The following RAB3GAP2 variants were observed in gnomAD, a reference collection of about 807,000 sequenced individuals.
RAB3GAP2 encodes the protein RAB3 GTPase activating non-catalytic protein subunit 2, also known as rab3 GTPase-activating protein non-catalytic subunit.
RAB3GAP2 carries 87 observed loss-of-function variants against 185.3 expected under a neutral mutation model. The observed-to-expected ratio is 0.47, with a 90% CI of 0.39 to 0.56. The LOEUF (loss-of-function observed/expected upper bound fraction) is 0.56, where lower values mean the gene tolerates loss of function less well. Ranked by LOEUF, RAB3GAP2 falls within the 20% of genes least tolerant of loss-of-function variation. The pLI, the probability that RAB3GAP2 is intolerant of heterozygous loss-of-function variation, is 0.00. For synonymous variants in RAB3GAP2, 554 were observed against 576.1 expected, an observed-to-expected ratio of 0.96 and a Z score of 0.55; for missense variants, 1,492 against 1,638.2, an observed-to-expected ratio of 0.91 and a Z score of 1.54.
At chr1:220,214,080 G>A (rs1320015865) in intron 2 of RAB3GAP2, 101 bp from the exon 3 acceptor site, 1 of 1,188,332 alleles carries the variant, frequency 8.4e-7, no homozygotes, top group Non-Finnish European at 1.2e-6. Context: ...AAAAAGAAAA[G>A]GAAATATTTC....
At chr1:220,177,541 C>T (rs1294375184) in intron 21 of RAB3GAP2, among the ~76,000 whole-genome samples, 1 of 151,872 alleles carries the variant, frequency 6.6e-6, no homozygotes, top group Non-Finnish European at 1.5e-5. Context: ...AATGGAAGCT[C>T]AACAAACTTT....
At chr1:220,205,124 T>C (rs888156140) in intron 8 of RAB3GAP2, among the ~76,000 whole-genome samples, 2 of 152,126 alleles carry the variant, frequency 1.3e-5, no homozygotes, top group African/African-American at 4.8e-5. Flanking sequence ...CTGGCAACAG[T>C]TTTTCTTCTT....
In RAB3GAP2 at chr1:220,154,227, CTT is replaced by C. The variant is rs551813094; in HGVS notation, c.3556-172_3556-171del. On this transcript the variant is annotated intron_variant, in intron 31 of 34. Transcript: ENST00000358951. Reference sequence around the variant, plus strand: ...AATTATCTAGTATATAGTAGACAGCCTTTAAGATGAAACCCAGTGATCCCCTC... The same window carrying C: ...AATTATCTAGTATATAGTAGACAGCCTAAGATGAAACCCAGTGATCCCCTC... The C allele has an allele frequency of 2.1e-4, 206 of 973,242 alleles. No individual in the cohort carries two copies. In the African/African-American group the frequency reaches 3.2e-3, roughly 15 times the overall value. 60.3% of individuals were successfully genotyped at this position (973,242 alleles called of 1,614,324 possible). A position where few individuals can be genotyped will look rare whatever the true frequency, so the allele number is the denominator to read the frequency against.
chr1:220,222,939 G>A (rs6541126), intron 2 of RAB3GAP2, among the ~76,000 whole-genome samples: 152,213 of 152,388 alleles, frequency 1, 76,021 homozygotes, highest in East Asian at 1. Flanking sequence ...TGTGTCAAAT[G>A]TATTTTATTA....
intron 1 of RAB3GAP2, among the ~76,000 whole-genome samples, chr1:220,249,123 T>A (rs1659881894): frequency 6.6e-6 from 1 of 152,156 alleles, no homozygotes; most frequent in African/African-American, 2.4e-5. Context: ...TGGAACTGGT[T>A]AACAGGCAGA....
intron 21 of RAB3GAP2, among the ~76,000 whole-genome samples, chr1:220,174,277 C>T (rs1026822777): frequency 3.9e-5 from 6 of 152,002 alleles, no homozygotes; most frequent in South Asian, 4.2e-4. Flanking sequence ...CACACATACA[C>T]GCACACTCTT....
intron 10 of RAB3GAP2, 180 bp downstream of exon 10, chr1:220,196,070 C>G (rs1214460812): frequency 2.9e-6 from 2 of 694,028 alleles, no homozygotes; most frequent in African/African-American, 3.6e-5. Context: ...ATGGTAGTAC[C>G]TTTTCAGTTA....
intron 2 of RAB3GAP2, among the ~76,000 whole-genome samples, chr1:220,228,358 A>G (rs947716666): frequency 1.1e-4 from 17 of 152,212 alleles, no homozygotes; most frequent in Admixed American, 9.2e-4. Context: ...CATAGATGGT[A>G]GTAGAAATAA....
chr1:220,163,772 TAG>T (rs1558140779), intron 27 of RAB3GAP2, among the ~76,000 whole-genome samples: 3 of 144,548 alleles, frequency 2.1e-5, no homozygotes, highest in Non-Finnish European at 4.5e-5. Flanking sequence ...TATATATATA[TAG>T]GATGAAGGTA....
chr1:220,213,096 G>T, intron 3 of RAB3GAP2, 128 bp from the exon 4 acceptor site: 1 of 624,214 alleles, frequency 1.6e-6, no homozygotes, highest in Non-Finnish European at 2.7e-6. Flanking sequence ...AACTGACTTG[G>T]GTCTTTTTTA....
chr1:220,253,738 G>C, intron 1 of RAB3GAP2: 1 of 1,611,684 alleles, frequency 6.2e-7, no homozygotes, highest in South Asian at 1.1e-5. Flanking sequence ...GGATGAGTGG[G>C]TTCCGGAGAG....
At chr1:220,245,323 A>G (rs1283179480) in intron 1 of RAB3GAP2, among the ~76,000 whole-genome samples, 3 of 152,222 alleles carry the variant, frequency 2.0e-5, no homozygotes, top group Non-Finnish European at 4.4e-5. Context: ...ACCATGCGCG[A>G]GCCGAAGCAG....
Position 220,195,178 on chromosome 1 carries a change from A to C in RAB3GAP2, c.1041-11T>G, listed in dbSNP as rs1408415318. On this transcript the variant is annotated splice_polypyrimidine_tract_variant and intron_variant, in intron 11 of 34. Transcript: ENST00000358951. ...CAACCAAGCCAACCACTGAAAAGAAAGAAAACTTAGAATATAAAACTGAGC... is the reference window on the plus strand; with the variant it reads ...CAACCAAGCCAACCACTGAAAAGAACGAAAACTTAGAATATAAAACTGAGC... 6.2e-7 allele frequency: 1 copy of C among 1,613,890 alleles called. No individual in the cohort carries two copies. The highest frequency in any genetic ancestry group is 1.7e-5 in the Admixed American group (1 of 60,028).
chr1:220,252,625 A>G (rs1449376671), intron 1 of RAB3GAP2, among the ~76,000 whole-genome samples: 2 of 152,222 alleles, frequency 1.3e-5, no homozygotes, highest in African/African-American at 4.8e-5. Flanking sequence ...CCTCCCGCCA[A>G]GAGAAGCAGT....
rs751721357 is a variant in RAB3GAP2 at position 220,153,375 on chromosome 1, T to C, written c.3677A>G (p.Gln1226Arg). The C allele has an allele frequency of 1.6e-5, 26 of 1,614,102 alleles. No homozygotes were observed. Among genetic ancestry groups the C allele is most frequent in the Non-Finnish European group, 2.1e-5 (25 of 1,180,040 alleles). ...FLLKVVSAAV[Q>R]AQHSATKVKD... ...GACCTTTGTGGCTGAATGTTGGGCC[T>C]GGACAGCTGCACTGACAACTTTCAA... Residue 1226 changes from glutamine to arginine, a missense_variant, in exon 33 of 35, where the codon CAG becomes CGG. By Grantham distance (43) the Gln-to-Arg change is conservative. Around this residue, in one of 5 missense-constraint regions of RAB3GAP2, gnomAD observed 387 missense variants for 455.3 expected, o/e 0.85. Coordinates refer to ENST00000358951, the MANE Select transcript of RAB3GAP2 (RefSeq NM_012414.4).
rs753519960 is a variant in RAB3GAP2, at chr1:220,154,120, G to T, written c.3556-63C>A. 1.3e-4 allele frequency: 213 copies of T among 1,595,678 alleles called. 1 individual carries two copies. Among genetic ancestry groups the T allele is most frequent in the Admixed American group, 2.6e-4 (15 of 58,074 alleles). ...ATTATTAAGGGGGGAGAGGGAGAAA[G>T]ATTTGTTTAAAACTTAATAATAACT... is the stretch of plus-strand genomic sequence containing the variant. On this transcript the variant is annotated intron_variant, in intron 31 of 34. Transcript: ENST00000358951.
rs147072038 is a variant in RAB3GAP2, at chr1:220,159,983, C to T, written c.3226-562G>A. 7.5e-4 allele frequency among the ~76,000 whole-genome samples: 114 copies of T among 151,976 alleles called. No individual in the cohort carries two copies. The East Asian group carries it at 0.02, about 27-fold the overall frequency. ...GGTGAGCCAAGATTGTGCCACTGCA[C>T]TCCAGCCCGGGCAACAGAGTGAGAC... On this transcript the variant is annotated intron_variant, in intron 28 of 34. Transcript: ENST00000358951.
intron 1 of RAB3GAP2, among the ~76,000 whole-genome samples, chr1:220,250,667 T>C (rs1659915744): frequency 6.6e-6 from 1 of 152,174 alleles, no homozygotes; most frequent in African/African-American, 2.4e-5. Flanking sequence ...ATAATCCCCA[T>C]GTGTTGTGGG....
intron 2 of RAB3GAP2, among the ~76,000 whole-genome samples, chr1:220,223,621 G>A (rs753799691): frequency 5.3e-5 from 8 of 151,722 alleles, no homozygotes; most frequent in Non-Finnish European, 1.0e-4. Flanking sequence ...AGAGAAAAGC[G>A]CATTCATCTC....
Sources: gnomAD v4.1 joint callset for allele counts (sites outside exome capture counted in the v4.1 genomes callset) on GRCh38, gnomAD v4.1.1 for gene constraint, gnomAD v4.1.1 regional missense constraint, MANE v1.5 for transcripts, NCBI Gene and HGNC (gene_info 2026-07-23, HGNC 2026-07-21) for gene names.